Variants in CNTNAP2 observed in about 807,000 individuals in gnomAD.
CNTNAP2 encodes contactin-associated protein-like 2.
In CNTNAP2, 98 loss-of-function variants were observed where a neutral mutation model predicts 155.2. The observed-to-expected ratio is 0.63, with a 90% CI of 0.54 to 0.75. CNTNAP2 has a LOEUF of 0.75. CNTNAP2 is among the 30% of genes least tolerant of loss of function. The pLI is 0.00. For synonymous variants in CNTNAP2, 651 were observed against 631.2 expected (o/e 1.03, Z -0.47); for missense variants, 1,727 against 1,688.1 (o/e 1.02, Z -0.40).
intron 13 of CNTNAP2, among the ~76,000 whole-genome samples, chr7:147,818,269 A>G (rs537463920): frequency 1.3e-5 from 2 of 152,188 alleles, no homozygotes; most frequent in Non-Finnish European, 2.9e-5. Context: ...GTTCATTGAT[A>G]AAGTTCCTTT....
intron 4 of CNTNAP2, among the ~76,000 whole-genome samples, chr7:147,087,000 T>C (rs1013508180): frequency 3.3e-5 from 5 of 152,204 alleles, no homozygotes; most frequent in African/African-American, 1.2e-4. Flanking sequence ...TTGTGGTTTG[T>C]AGGAAAATAG....
At chr7:147,587,682 C>A (rs1480155465) in intron 12 of CNTNAP2, among the ~76,000 whole-genome samples, 1 of 152,194 alleles carries the variant, frequency 6.6e-6, no homozygotes, top group East Asian at 1.9e-4. Context: ...CCATCCTTCA[C>A]TGTCCAGCTC....
At chr7:147,415,849 A>G (rs1048202509) in intron 10 of CNTNAP2, among the ~76,000 whole-genome samples, 1 of 152,138 alleles carries the variant, frequency 6.6e-6, no homozygotes, top group Non-Finnish European at 1.5e-5. Context: ...CTGATTCTAC[A>G]CCGGACAGGC....
chr7:147,260,482 G>A (rs1804435124), intron 8 of CNTNAP2, among the ~76,000 whole-genome samples: 1 of 152,072 alleles, frequency 6.6e-6, no homozygotes, highest in Non-Finnish European at 1.5e-5. Context: ...TTAATTCCAA[G>A]CATTCATTAG....
intron 11 of CNTNAP2, among the ~76,000 whole-genome samples, chr7:147,535,483 A>C (rs1392217438): frequency 6.6e-6 from 1 of 152,234 alleles, no homozygotes; most frequent in Non-Finnish European, 1.5e-5. Context: ...TAAATATGAC[A>C]GTGGAAAAAG....
At chr7:148,195,145 T>C (rs1352308421) in intron 18 of CNTNAP2, among the ~76,000 whole-genome samples, 1 of 152,224 alleles carries the variant, frequency 6.6e-6, no homozygotes, top group African/African-American at 2.4e-5. Flanking sequence ...CTCTTTCTTG[T>C]ATTTGTACCC....
chr7:147,379,393 T>C (rs76383314), intron 9 of CNTNAP2, among the ~76,000 whole-genome samples: 2,556 of 152,238 alleles, frequency 0.017, 72 homozygotes, highest in African/African-American at 0.058. Flanking sequence ...ATACTTGTTT[T>C]CTTGAGTTTT....
chr7:146,922,162 G>A (rs987036037), intron 3 of CNTNAP2, among the ~76,000 whole-genome samples: 2 of 149,860 alleles, frequency 1.3e-5, no homozygotes, highest in Non-Finnish European at 3.0e-5. Context: ...ACAATTGTCT[G>A]TTTAAACTTA....
At chr7:147,681,213 T>C (rs2116979837) in intron 13 of CNTNAP2, among the ~76,000 whole-genome samples, 1 of 152,126 alleles carries the variant, frequency 6.6e-6, no homozygotes, top group African/African-American at 2.4e-5. Flanking sequence ...ATTTGGAAGC[T>C]TACTGTAAAC....
At chr7:146,396,327 C>G (rs557614076) in intron 1 of CNTNAP2, among the ~76,000 whole-genome samples, 1 of 152,078 alleles carries the variant, frequency 6.6e-6, no homozygotes, top group African/African-American at 2.4e-5. Flanking sequence ...CATAAAAGTT[C>G]TAAATTTAAT....
At chr7:146,464,151 T>C (rs1796680297) in intron 1 of CNTNAP2, among the ~76,000 whole-genome samples, 1 of 151,574 alleles carries the variant, frequency 6.6e-6, no homozygotes, top group African/African-American at 2.4e-5. Flanking sequence ...CTCAACAGAA[T>C]ACTTTTATTT....
chr7:148,306,639 A>T (rs13221599), intron 21 of CNTNAP2, among the ~76,000 whole-genome samples: 46,694 of 151,698 alleles, frequency 0.31, 7,821 homozygotes, highest in East Asian at 0.48. Flanking sequence ...TTTTTAAATC[A>T]TCTGTTCTCA....
intron 4 of CNTNAP2, among the ~76,000 whole-genome samples, chr7:147,100,506 G>C (rs2129277396): frequency 6.6e-6 from 1 of 152,210 alleles, no homozygotes; most frequent in African/African-American, 2.4e-5. Context: ...TAATTCAAAG[G>C]AAATTATATA....
intron 8 of CNTNAP2, among the ~76,000 whole-genome samples, chr7:147,244,084 T>G (rs1226002720): frequency 6.6e-6 from 1 of 152,202 alleles, no homozygotes; most frequent in Non-Finnish European, 1.5e-5. Flanking sequence ...ATTCTTCAAC[T>G]GTCATTCTCT....
chr7:147,151,627 G>C (rs1029694114), intron 8 of CNTNAP2, among the ~76,000 whole-genome samples: 1 of 151,544 alleles, frequency 6.6e-6, no homozygotes, highest in African/African-American at 2.4e-5. Context: ...AAACATAATT[G>C]TTTTGTTTCT....
intron 8 of CNTNAP2, among the ~76,000 whole-genome samples, chr7:147,137,913 A>ATAGG (rs75636257): frequency 2.7e-5 from 3 of 110,992 alleles, no homozygotes; most frequent in African/African-American, 9.2e-5. Context: ...AGATAGATAG[A>ATAGG]TAGGTAGATA....
chr7:147,130,047 T>C (rs1801321598), intron 7 of CNTNAP2, among the ~76,000 whole-genome samples: 1 of 152,072 alleles, frequency 6.6e-6, no homozygotes, highest in African/African-American at 2.4e-5. Context: ...GATGAAAACA[T>C]TGCGATTTAA....
chr7:146,870,923 C>A (rs1050729405), intron 3 of CNTNAP2, among the ~76,000 whole-genome samples: 20 of 151,922 alleles, frequency 1.3e-4, no homozygotes, highest in Non-Finnish European at 2.8e-4. Context: ...AAAATGAATG[C>A]CAAAAATAGC....
chr7:148,368,362 T>G (rs904645343), intron 21 of CNTNAP2, among the ~76,000 whole-genome samples: 1 of 152,208 alleles, frequency 6.6e-6, no homozygotes, highest in African/African-American at 2.4e-5. Flanking sequence ...CTTAACTTTC[T>G]AGAAGTAGCT....
Sources: gnomAD v4.1 joint callset for allele counts (sites outside exome capture counted in the v4.1 genomes callset) on GRCh38, gnomAD v4.1.1 for gene constraint, MANE v1.5 for transcripts, NCBI Gene and HGNC (gene_info 2026-07-23, HGNC 2026-07-21) for gene names.